The following PRKG1 variants were observed in gnomAD, a reference collection of about 807,000 sequenced individuals.
PRKG1 encodes the protein protein kinase cGMP-dependent 1.
Under a neutral mutation model 88.1 loss-of-function variants are expected in PRKG1, and 35 were observed. The observed-to-expected ratio is 0.40, with a 90% confidence interval of 0.30 to 0.53. PRKG1 has a LOEUF of 0.53. Ranked by LOEUF, PRKG1 falls within the 20% of genes least tolerant of loss-of-function variation. The probability of loss-of-function intolerance (pLI) is 0.59; values close to 1 mark genes in which losing one functional copy is unlikely to be tolerated. For missense variants in PRKG1, 540 were observed against 839.8 expected, an observed-to-expected ratio of 0.64 and a Z score of 4.41; for synonymous variants, 303 against 292.5, an observed-to-expected ratio of 1.04 and a Z score of -0.37.
At chr10:51,218,001 T>G (rs1838415404) in intron 2 of PRKG1, among the ~76,000 whole-genome samples, 1 of 152,158 alleles carries the variant, frequency 6.6e-6, no homozygotes, top group Non-Finnish European at 1.5e-5. Flanking sequence ...TCAGCACTTG[T>G]ACATTTCAAG....
chr10:52,242,508 A>AT (rs2132381101), intron 9 of PRKG1, among the ~76,000 whole-genome samples: 1 of 152,366 alleles, frequency 6.6e-6, no homozygotes, highest in Non-Finnish European at 1.5e-5. Flanking sequence ...ACTTTTCATT[A>AT]TGGCCAATGA....
chr10:51,533,238 T>C (rs947663066), intron 3 of PRKG1, among the ~76,000 whole-genome samples: 14 of 152,232 alleles, frequency 9.2e-5, no homozygotes, highest in African/African-American at 3.4e-4. Flanking sequence ...ATTTTTCCTT[T>C]CAATAAAAGT....
intron 7 of PRKG1, among the ~76,000 whole-genome samples, chr10:52,127,109 G>A (rs1368537499): frequency 1.3e-5 from 2 of 152,026 alleles, no homozygotes; most frequent in Non-Finnish European, 2.9e-5. Context: ...CCATACCTGT[G>A]GGAATGTGAA....
At chr10:51,536,410 G>A (rs984457616) in intron 3 of PRKG1, among the ~76,000 whole-genome samples, 1 of 152,038 alleles carries the variant, frequency 6.6e-6, no homozygotes, top group African/African-American at 2.4e-5. Flanking sequence ...GCTGAATTAA[G>A]TTCTTTATAG....
rs1193903182 is a variant in PRKG1, at chr10:52,034,422, A to C, written c.763-20062A>C. 2.0e-5 allele frequency among the ~76,000 whole-genome samples: 3 copies of C among 148,178 alleles called. No individual in the cohort carries two copies. The South Asian group carries it at 6.7e-4, about 33-fold the overall frequency. On this transcript the variant is annotated intron_variant, in intron 5 of 17. Transcript: ENST00000373980. Reference sequence around the variant, plus strand: ...GGGGTGATATTGTGGGGATGTTAGAAGAAACATTTGTCATATAGAATGATT... The same window carrying C: ...GGGGTGATATTGTGGGGATGTTAGACGAAACATTTGTCATATAGAATGATT...
chr10:51,340,945 C>T (rs1474077999), intron 2 of PRKG1, among the ~76,000 whole-genome samples: 2 of 152,158 alleles, frequency 1.3e-5, no homozygotes, highest in East Asian at 3.9e-4. Flanking sequence ...GACCTACATG[C>T]AGCTTGTTGA....
intron 2 of PRKG1, among the ~76,000 whole-genome samples, chr10:51,354,546 T>TA (rs1842324345): frequency 6.6e-6 from 1 of 152,116 alleles, no homozygotes; most frequent in Non-Finnish European, 1.5e-5. Flanking sequence ...CTTCCATATA[T>TA]AATTATAGCT....
chr10:51,930,681 G>A (rs1368562965), intron 5 of PRKG1, among the ~76,000 whole-genome samples: 1 of 151,614 alleles, frequency 6.6e-6, no homozygotes, highest in Non-Finnish European at 1.5e-5. Flanking sequence ...AGTAGAGACG[G>A]GGTTTCACCA....
At chr10:51,847,939 A>C (rs1172772819) in intron 4 of PRKG1, among the ~76,000 whole-genome samples, 1 of 149,428 alleles carries the variant, frequency 6.7e-6, no homozygotes, top group Non-Finnish European at 1.5e-5. Flanking sequence ...GTACATATAC[A>C]TTAAATATAC....
chr10:51,117,128 G>T (rs1845145562), intron 1 of PRKG1, among the ~76,000 whole-genome samples: 1 of 152,306 alleles, frequency 6.6e-6, no homozygotes, highest in African/African-American at 2.4e-5. Context: ...ACATGGAAAT[G>T]CTTCATGGGT....
At chr10:51,624,098 A>T (rs1839276159) in intron 3 of PRKG1, among the ~76,000 whole-genome samples, 1 of 152,202 alleles carries the variant, frequency 6.6e-6, no homozygotes, top group Non-Finnish European at 1.5e-5. Flanking sequence ...CTTACTTTTT[A>T]AGCCAGGCCT....
rs547956951 is a variant in PRKG1 at position 51,391,647 on chromosome 10, C to T, written c.479-76076C>T. Among the ~76,000 whole-genome samples, 5 of 152,290 alleles carry T rather than the reference C, an allele frequency of 3.3e-5. No individual in the cohort carries two copies. In the East Asian group the frequency reaches 9.6e-4, roughly 29 times the overall value. ...TCTAGGCAGAGAAAGGATTAGGGCTCATCAGAGCCAATAGGGCCAACTTTG... is the reference window on the plus strand; with the variant it reads ...TCTAGGCAGAGAAAGGATTAGGGCTTATCAGAGCCAATAGGGCCAACTTTG... On this transcript the variant is annotated intron_variant, in intron 2 of 17. Transcript: ENST00000373980.
intron 4 of PRKG1, among the ~76,000 whole-genome samples, chr10:51,861,737 A>T (rs1840878521): frequency 1.3e-5 from 2 of 152,240 alleles, no homozygotes; most frequent in South Asian, 4.1e-4. Flanking sequence ...ATAACAAATC[A>T]TGAAAGTTTT....
At chr10:51,791,295 C>T (rs556209520) in intron 3 of PRKG1, among the ~76,000 whole-genome samples, 1 of 152,208 alleles carries the variant, frequency 6.6e-6, no homozygotes, top group South Asian at 2.1e-4. Flanking sequence ...ACCACCAGTT[C>T]CTGGTATAGT....
chr10:51,686,037 T>C (rs530427211), intron 3 of PRKG1, among the ~76,000 whole-genome samples: 1 of 152,260 alleles, frequency 6.6e-6, no homozygotes, highest in Non-Finnish European at 1.5e-5. Flanking sequence ...TATGTAATCC[T>C]GGGTAAATGA....
intron 8 of PRKG1, among the ~76,000 whole-genome samples, chr10:52,135,513 G>A (rs1293860841): frequency 6.6e-6 from 1 of 152,074 alleles, no homozygotes; most frequent in Non-Finnish European, 1.5e-5. Context: ...TATTTGGTTA[G>A]GAGTCTAAAT....
At chr10:51,215,385 A>G (rs1589251367) in intron 2 of PRKG1, among the ~76,000 whole-genome samples, 1 of 152,222 alleles carries the variant, frequency 6.6e-6, no homozygotes, top group South Asian at 2.1e-4. Flanking sequence ...GCTCTTCAGC[A>G]TTGTTAGAAA....
intron 2 of PRKG1, among the ~76,000 whole-genome samples, chr10:51,206,653 G>C (rs1205484423): frequency 1.3e-5 from 2 of 152,324 alleles, no homozygotes; most frequent in East Asian, 3.9e-4. Context: ...GCTAGCATCT[G>C]TGCCCACTTT....
chr10:52,071,104 T>C (rs182922033), intron 7 of PRKG1, among the ~76,000 whole-genome samples: 1 of 152,146 alleles, frequency 6.6e-6, no homozygotes, highest in Admixed American at 6.6e-5. Context: ...TTGCCATTAT[T>C]TTATTATTTT....
Sources: allele counts gnomAD v4.1 joint callset (sites outside exome capture counted in the v4.1 genomes callset), GRCh38; gene constraint gnomAD v4.1.1; transcripts MANE v1.5; gene names NCBI Gene and HGNC (gene_info 2026-07-23, HGNC 2026-07-21).